ERBB4: variants seen among roughly 807,000 people sequenced by gnomAD.
The protein encoded by ERBB4 is receptor tyrosine-protein kinase erbB-4.
A neutral mutation model predicts 158.0 loss-of-function variants in ERBB4; 42 were observed. The ratio of observed to expected loss-of-function variants is 0.27; its 90% confidence interval spans 0.21 to 0.34. ERBB4 has a LOEUF of 0.34. Among genes scored for constraint, ERBB4 ranks in the 10% least tolerant of loss-of-function variants. ERBB4 has a pLI of 1.00. For missense variants in ERBB4, 1,333 were observed against 1,624.1 expected (o/e 0.82, Z 3.08); for synonymous variants, 583 against 558.7 (o/e 1.04, Z -0.61).
Position 211,673,256 on chromosome 2 carries a change from C to T in ERBB4, c.1624G>A (p.Glu542Lys), listed in dbSNP as rs535202189. 1.1e-5 allele frequency: 18 copies of T among 1,612,178 alleles called. No individual in the cohort carries two copies. In the East Asian group the frequency reaches 3.8e-4, roughly 34 times the overall value. Residue 542 changes from glutamate to lysine, a missense_variant and splice_region_variant, in exon 14 of 28, where the codon GAA (glutamate) becomes AAA (lysine). By Grantham distance (56) the Glu-to-Lys change is moderately conservative. Coordinates refer to ENST00000342788, the MANE Select transcript of ERBB4 (RefSeq NM_005235.3). ...GAGCCATTCTCAAACTCCCGAAATT[C>T]ACTGTGAAAACATCAGCCACATGAG... ...CIESCNLYDG[E>K]FREFENGSIC...
At chr2:212,508,825 G>A (rs373497684) in intron 1 of ERBB4, among the ~76,000 whole-genome samples, 10 of 151,978 alleles carry the variant, frequency 6.6e-5, no homozygotes, top group African/African-American at 2.4e-4. Flanking sequence ...CTTTAAAAAT[G>A]AGTATATTTT....
At chr2:212,013,387 G>T (rs551619135) in intron 2 of ERBB4, among the ~76,000 whole-genome samples, 16 of 152,226 alleles carry the variant, frequency 1.1e-4, no homozygotes, top group African/African-American at 3.9e-4. Flanking sequence ...TGATGATAAG[G>T]TAGAAGAATT....
At chr2:211,556,119 A>G (rs2067231106) in intron 20 of ERBB4, among the ~76,000 whole-genome samples, 1 of 152,240 alleles carries the variant, frequency 6.6e-6, no homozygotes, top group Non-Finnish European at 1.5e-5. Flanking sequence ...GAAAACAGAA[A>G]AAAATAGGGG....
chr2:211,703,032 T>G (rs1038648938), intron 11 of ERBB4, among the ~76,000 whole-genome samples: 1 of 152,156 alleles, frequency 6.6e-6, no homozygotes, highest in African/African-American at 2.4e-5. Context: ...TATTTTACAT[T>G]TTGGAGATCA....
chr2:211,584,289 T>C (rs1457750485), intron 19 of ERBB4, among the ~76,000 whole-genome samples: 2 of 151,998 alleles, frequency 1.3e-5, no homozygotes. Flanking sequence ...TTGTTATTGT[T>C]TATATTTCAT....
At chr2:212,281,233 C>G (rs2085747464) in intron 1 of ERBB4, among the ~76,000 whole-genome samples, 1 of 151,614 alleles carries the variant, frequency 6.6e-6, no homozygotes, top group Admixed American at 6.6e-5. Flanking sequence ...CTTTAAGAGT[C>G]TGATGAATTT....
chr2:211,452,592 A>C, intron 20 of ERBB4, among the ~76,000 whole-genome samples: 1 of 152,194 alleles, frequency 6.6e-6, no homozygotes, highest in East Asian at 1.9e-4. Context: ...ATATTGATAC[A>C]CTAAAAAAAA....
At chr2:212,174,249 G>C (rs2081598365) in intron 1 of ERBB4, among the ~76,000 whole-genome samples, 1 of 152,036 alleles carries the variant, frequency 6.6e-6, no homozygotes, top group Admixed American at 6.6e-5. Context: ...TCAGCTTAAT[G>C]CTATATTCAT....
intron 5 of ERBB4, among the ~76,000 whole-genome samples, chr2:211,725,930 TATAAC>T (rs2074251226): frequency 6.6e-6 from 1 of 152,078 alleles, no homozygotes; most frequent in Non-Finnish European, 1.5e-5. Flanking sequence ...GGTCTTTTCT[TATAAC>T]ATGCTTCAAT....
intron 4 of ERBB4, among the ~76,000 whole-genome samples, chr2:211,752,543 G>T (rs1366523990): frequency 2.6e-5 from 3 of 116,006 alleles, no homozygotes; most frequent in Non-Finnish European, 3.9e-5. Context: ...GAGAAGAAAA[G>T]AAAAAGTAAA....
chr2:211,683,052 C>T (rs1829615), intron 12 of ERBB4, among the ~76,000 whole-genome samples: 84,743 of 151,056 alleles, frequency 0.56, 24,575 homozygotes, highest in African/African-American at 0.66. Context: ...ATGAGCTCTA[C>T]AACTTTTGAT....
At chr2:211,986,857 A>G (rs901977664) in intron 2 of ERBB4, among the ~76,000 whole-genome samples, 1 of 152,182 alleles carries the variant, frequency 6.6e-6, no homozygotes, top group African/African-American at 2.4e-5. Flanking sequence ...GGTGAAGTAA[A>G]GTTTATTTAA....
chr2:211,380,947 G>GAA lies in ERBB4; in HGVS notation c.*2666_*2667dup. The GAA allele has an allele frequency of 4.5e-6, 1 of 222,298 alleles. No individual in the cohort carries two copies. Among genetic ancestry groups the GAA allele is most frequent in the Middle Eastern group, 1.3e-3 (1 of 750 alleles). The allele number at this position is 222,298 out of a possible 1,614,324, so 13.8% of individuals were successfully genotyped here. A position where few individuals can be genotyped will look rare whatever the true frequency, so the allele number is the denominator to read the frequency against. On this transcript the variant is annotated 3_prime_UTR_variant, in exon 28 of 28. Transcript: ENST00000342788. ...GAAACCATATGCATATTGTAAATCA[G>GAA]AAAAAAAAAATCAAGGTATAGTATC...
intron 3 of ERBB4, among the ~76,000 whole-genome samples, chr2:211,838,812 C>T (rs1026909812): frequency 2.6e-5 from 4 of 152,068 alleles, no homozygotes; most frequent in South Asian, 2.1e-4. Flanking sequence ...GAGGTCACAG[C>T]TCCTATTTTA....
At chr2:212,136,509 A>G (rs1233482621) in intron 1 of ERBB4, among the ~76,000 whole-genome samples, 1 of 152,180 alleles carries the variant, frequency 6.6e-6, no homozygotes, top group African/African-American at 2.4e-5. Context: ...CTCTTGGGCA[A>G]TAGGTACCTT....
At chr2:212,350,352 G>A (rs1910863) in intron 1 of ERBB4, among the ~76,000 whole-genome samples, 38,153 of 151,858 alleles carry the variant, frequency 0.25, 5,066 homozygotes, top group Non-Finnish European at 0.29. Context: ...GGAAAAATAC[G>A]AGGTTTTCCC....
rs534434727 is a variant in ERBB4 at position 211,781,299 on chromosome 2, A to G, written c.556+6726T>C. Among the ~76,000 whole-genome samples, 4 of 152,370 alleles carry G rather than the reference A, an allele frequency of 2.6e-5. No individual in the cohort carries two copies. In the East Asian group the frequency reaches 5.8e-4, roughly 22 times the overall value. ...TGAAAAAAAAGTTTAAAACATGGACAGAATGAATGCAGGCAGAACATCTGG... is the reference window on the plus strand; with the variant it reads ...TGAAAAAAAAGTTTAAAACATGGACGGAATGAATGCAGGCAGAACATCTGG... On this transcript the variant is annotated intron_variant, in intron 4 of 27. Coordinates refer to ENST00000342788, the MANE Select transcript of ERBB4 (RefSeq NM_005235.3).
chr2:212,356,634 C>T (rs562455189), intron 1 of ERBB4, among the ~76,000 whole-genome samples: 2 of 151,882 alleles, frequency 1.3e-5, no homozygotes, highest in Admixed American at 1.3e-4. Context: ...TACATTTAAG[C>T]ATCCTCCTTT....
chr2:211,828,407 T>C (rs115046852), intron 3 of ERBB4, among the ~76,000 whole-genome samples: 9 of 152,214 alleles, frequency 5.9e-5, no homozygotes, highest in Non-Finnish European at 1.0e-4. Flanking sequence ...TATCAAATTT[T>C]CTTCCAGAGC....
Sources: gnomAD v4.1 joint callset for allele counts (sites outside exome capture counted in the v4.1 genomes callset) on GRCh38, gnomAD v4.1.1 for gene constraint, MANE v1.5 for transcripts, NCBI Gene and HGNC (gene_info 2026-07-23, HGNC 2026-07-21) for gene names.